The following ZC3H13 variants were observed in gnomAD, a reference collection of about 807,000 sequenced individuals.
ZC3H13 encodes zinc finger CCCH-type containing 13.
A neutral mutation model predicts 204.1 loss-of-function variants in ZC3H13; 64 were observed. The observed-to-expected ratio is 0.31, with a 90% CI of 0.26 to 0.39. The LOEUF is 0.39. ZC3H13 is among the 10% of genes least tolerant of loss of function. The probability of loss-of-function intolerance (pLI) is 1.00; values close to 1 mark genes in which losing one functional copy is unlikely to be tolerated. For synonymous variants in ZC3H13, 667 were observed against 693.7 expected (o/e 0.96, Z 0.60); for missense variants, 1,833 against 2,082.7 (o/e 0.88, Z 2.33).
At chr13:46,017,600 C>A (rs1231585663) in intron 5 of ZC3H13, among the ~76,000 whole-genome samples, 1 of 152,030 alleles carries the variant, frequency 6.6e-6, no homozygotes, top group African/African-American at 2.4e-5. Flanking sequence ...AAAATTTTCT[C>A]AGGTTCATAA....
intron 18 of ZC3H13, 140 bp downstream of exon 18, chr13:45,959,343 T>C (rs1951512545): frequency 1.3e-6 from 1 of 763,584 alleles, no homozygotes; most frequent in South Asian, 3.5e-5. Context: ...TTTAATGGCA[T>C]TCTTCTTTTT....
rs1951283532 is a variant in ZC3H13, at chr13:45,956,511, T to C, written c.*616A>G. The C allele has an allele frequency of 6.6e-6, 1 of 152,092 alleles. No homozygotes were observed. The highest frequency in any genetic ancestry group is 1.5e-5 in the Non-Finnish European group (1 of 67,992). The allele number at this position is 152,092 out of a possible 1,614,324, so 9.4% of individuals were successfully genotyped here. On this transcript the variant is annotated 3_prime_UTR_variant, in exon 19 of 19. Transcript: ENST00000679008. ...ACAATCTCTGATAACAAAAAAAGCA[T>C]TTAGGGTCAAAAGACATCCAACATA... is the stretch of plus-strand genomic sequence containing the variant.
Position 45,967,770 on chromosome 13 carries a change from C to T in ZC3H13, c.4055G>A (p.Arg1352Lys). The change falls in exon 15 of 19, where the codon AGG becomes AAG. Residue 1352 changes from arginine (R) to lysine (K), a missense_variant. Transcript: ENST00000679008. The stretch of plus-strand genomic sequence containing the variant: ...CTCTCTTTCCCTATCCAAGTCTCTC[C>T]TTTTGTCTCGTTCTCTCTCTCGTTC... ...ERERERERDK[R>K]RDLDRERERL... The T allele has an allele frequency of 6.2e-7, 1 of 1,611,740 alleles. No homozygotes were observed. The highest frequency in any genetic ancestry group is 1.1e-5 in the South Asian group (1 of 90,896).
chr13:46,042,692 C>A (rs2043671703), intron 3 of ZC3H13, among the ~76,000 whole-genome samples: 3 of 151,920 alleles, frequency 2.0e-5, no homozygotes, highest in African/African-American at 7.2e-5. Flanking sequence ...CAAAATTAAT[C>A]TAGAGGTAGC....
intron 4 of ZC3H13, among the ~76,000 whole-genome samples, chr13:46,031,418 C>G (rs1167746383): frequency 6.6e-6 from 1 of 151,702 alleles, no homozygotes; most frequent in Non-Finnish European, 1.5e-5. Context: ...AAACTATAAT[C>G]CATGAAAGAA....
chr13:45,992,762 G>C (rs1555282406), intron 8 of ZC3H13, among the ~76,000 whole-genome samples: 1 of 152,200 alleles, frequency 6.6e-6, no homozygotes, highest in Non-Finnish European at 1.5e-5. Flanking sequence ...ACCAATGTGT[G>C]TATCATCTGA....
chr13:46,000,852 C>T (rs77304484), intron 8 of ZC3H13, among the ~76,000 whole-genome samples: 1,696 of 152,242 alleles, frequency 0.011, 16 homozygotes, highest in South Asian at 0.052. Flanking sequence ...CTCTTCCTTT[C>T]TACTTGAACA....
intron 12 of ZC3H13, among the ~76,000 whole-genome samples, chr13:45,973,312 T>C (rs953413974): frequency 2.6e-5 from 4 of 152,236 alleles, no homozygotes; most frequent in Non-Finnish European, 5.9e-5. Flanking sequence ...ATTGAACTAC[T>C]GAGATGACAA....
At chr13:46,051,999 A>AAAAAAAAG (rs1398896750) in intron 1 of ZC3H13, 3 of 151,492 alleles carry the variant, frequency 2.0e-5, no homozygotes, top group African/African-American at 7.3e-5. Flanking sequence ...GCTGAGGGAA[A>AAAAAAAAG]AAAAAAAAAA....
chr13:45,968,092 C>A, intron 14 of ZC3H13, 64 bp from the exon 15 acceptor site: 4 of 1,465,934 alleles, frequency 2.7e-6, no homozygotes, highest in Non-Finnish European at 3.6e-6. Flanking sequence ...CAAAATGCTT[C>A]ATTTCAAGGT....
At chr13:46,010,596 A>G (rs1385746379) in intron 6 of ZC3H13, 91 bp from the exon 7 acceptor site, 1 of 1,357,676 alleles carries the variant, frequency 7.4e-7, no homozygotes, top group East Asian at 2.3e-5. Flanking sequence ...CAAACTTCAG[A>G]TTAAAATTAA....
At chr13:46,012,611 T>C (rs1566282603) in intron 5 of ZC3H13, among the ~76,000 whole-genome samples, 1 of 152,010 alleles carries the variant, frequency 6.6e-6, no homozygotes, top group Non-Finnish European at 1.5e-5. Context: ...ATATATTCAC[T>C]ACCTGTGTGA....
intron 12 of ZC3H13, 140 bp downstream of exon 12, chr13:45,975,143 A>G: frequency 1.5e-6 from 2 of 1,342,548 alleles, no homozygotes; most frequent in Non-Finnish European, 2.0e-6. Context: ...ACCGATACAT[A>G]TACTAAATTT....
At chr13:46,047,594 T>C (rs375110825) in intron 1 of ZC3H13, among the ~76,000 whole-genome samples, 2 of 116,762 alleles carry the variant, frequency 1.7e-5, no homozygotes, top group South Asian at 5.7e-4. Flanking sequence ...TTTGATTTAC[T>C]GAGCACGAAA....
At chr13:45,982,651 T>C (rs1953750392) in intron 10 of ZC3H13, among the ~76,000 whole-genome samples, 1 of 152,206 alleles carries the variant, frequency 6.6e-6, no homozygotes, top group South Asian at 2.1e-4. Context: ...GTGTTTTGGA[T>C]TTTGGAATAT....
chr13:45,985,321 T>G lies in ZC3H13; in HGVS notation c.1696A>C (p.Arg566=), dbSNP rs1255670874. 1.2e-6 allele frequency: 2 copies of G among 1,613,166 alleles called. No individual in the cohort carries two copies. Among genetic ancestry groups the G allele is most frequent in the African/African-American group, 1.3e-5 (1 of 74,870 alleles). ...CCCTTTTCAGGTAACTCAGGAACCC[T>G]CCCCCTACTTCGGCCCATTCGGTCA... is the stretch of plus-strand genomic sequence containing the variant. ...RNDRMGRSRG[R]VPELPEKGSR... The change falls in exon 10 of 19, where the codon AGG becomes CGG. Residue 566 remains arginine (R), a synonymous_variant. Transcript: ENST00000679008.
At chr13:45,975,003 G>A (rs1952898862) in intron 12 of ZC3H13, among the ~76,000 whole-genome samples, 1 of 151,846 alleles carries the variant, frequency 6.6e-6, no homozygotes, top group Non-Finnish European at 1.5e-5. Flanking sequence ...GTGCCACCAC[G>A]TCCGGCTAAT....
chr13:45,970,519 A>ATCTC, intron 12 of ZC3H13, 54 bp from the exon 13 acceptor site: 1 of 1,538,856 alleles, frequency 6.5e-7, no homozygotes, highest in Non-Finnish European at 8.9e-7. Context: ...AAAAAAAGAG[A>ATCTC]TTTTTTTGTT....
chr13:46,009,102 T>C (rs181981360), intron 7 of ZC3H13, among the ~76,000 whole-genome samples: 35 of 152,172 alleles, frequency 2.3e-4, no homozygotes, highest in African/African-American at 7.0e-4. Context: ...CAAAATCTGA[T>C]AGGTACCTAA....
Sources: gnomAD v4.1 joint callset for allele counts (sites outside exome capture counted in the v4.1 genomes callset) on GRCh38, gnomAD v4.1.1 for gene constraint, MANE v1.5 for transcripts, NCBI Gene and HGNC (gene_info 2026-07-23, HGNC 2026-07-21) for gene names.